Variants in MEIOB observed in about 807,000 individuals in gnomAD.
MEIOB encodes the protein meiosis specific with OB-fold, also known as meiosis-specific with OB domain-containing protein.
In MEIOB, 50 loss-of-function variants were observed where a neutral mutation model predicts 53.1. The observed-to-expected ratio is 0.94, with a 90% CI of 0.75 to 1.19. The LOEUF (loss-of-function observed/expected upper bound fraction) is 1.19. MEIOB is among the 50% of genes most tolerant of loss of function. MEIOB has a pLI of 0.00. For missense variants in MEIOB, 551 were observed against 550.8 expected, an observed-to-expected ratio of 1.00 and a Z score of 0.00; for synonymous variants, 192 against 182.5, an observed-to-expected ratio of 1.05 and a Z score of -0.42.
chr16:1,846,812 T>C (rs1409802548), intron 9 of MEIOB, among the ~76,000 whole-genome samples: 3 of 144,804 alleles, frequency 2.1e-5, no homozygotes, highest in African/African-American at 7.8e-5. Flanking sequence ...GAATGGGGGG[T>C]GAGGGGAGGG....
intron 13 of MEIOB, 84 bp downstream of exon 13, chr16:1,837,700 C>T (rs1898786776): frequency 7.1e-6 from 5 of 703,462 alleles, no homozygotes; most frequent in East Asian, 5.7e-5. Context: ...AATAAATTCT[C>T]GAATTTATCT....
intron 4 of MEIOB, among the ~76,000 whole-genome samples, chr16:1,861,722 A>G (rs1417197271): frequency 6.6e-6 from 1 of 151,748 alleles, no homozygotes; most frequent in African/African-American, 2.4e-5. Flanking sequence ...TTTTGTAGAA[A>G]TGGGGTCTTG....
At position 1,865,021 on chromosome 16, in the gene MEIOB, T is replaced by C. The variant is rs1480087330; in HGVS notation, c.127+757A>G. On this transcript the variant is annotated intron_variant, in intron 3 of 13. Transcript: ENST00000325962. Reference sequence around the variant, plus strand: ...ATTTACCTTAAAGATAAAAGCATCATGCCTGTAATCTGATCACTCTAGGAG... The same window carrying C: ...ATTTACCTTAAAGATAAAAGCATCACGCCTGTAATCTGATCACTCTAGGAG... 4.6e-5 allele frequency among the ~76,000 whole-genome samples: 7 copies of C among 152,298 alleles called. No individual in the cohort carries two copies. The East Asian group carries it at 1.4e-3, about 29-fold the overall frequency.
At chr16:1,844,042 A>G (rs1024613596) in intron 10 of MEIOB, among the ~76,000 whole-genome samples, 22 of 151,826 alleles carry the variant, frequency 1.4e-4, no homozygotes, top group African/African-American at 1.9e-4. Context: ...TTCTATTAGT[A>G]TATATGCACA....
At chr16:1,839,036 T>C (rs1215298624) in intron 12 of MEIOB, among the ~76,000 whole-genome samples, 3 of 152,200 alleles carry the variant, frequency 2.0e-5, no homozygotes, top group Non-Finnish European at 4.4e-5. Flanking sequence ...ATGGCCTCAG[T>C]CATTACTCAT....
chr16:1,863,206 T>C (rs1319663038), intron 3 of MEIOB, among the ~76,000 whole-genome samples: 1 of 151,946 alleles, frequency 6.6e-6, no homozygotes, highest in East Asian at 1.9e-4. Flanking sequence ...GAAGAATGAG[T>C]TCAGGGTGTT....
Position 1,834,290 on chromosome 16 carries a change from G to C in MEIOB, c.1382C>G (p.Ala461Gly), listed in dbSNP as rs1206999685. The change falls in exon 14 of 14, where the codon GCA becomes GGA. Residue 461 changes from alanine to glycine, a missense_variant. Ala to Gly is a moderately conservative substitution (Grantham distance 60). Coordinates refer to ENST00000325962, the MANE Select transcript of MEIOB (RefSeq NM_001163560.3). Reference sequence around the variant, plus strand: ...TTTTTGTCCAGACAAGTTTCTGCTTGCCTCAGTAGGATCTGCAAGCTTGCA... The same window carrying C: ...TTTTTGTCCAGACAAGTTTCTGCTTCCCTCAGTAGGATCTGCAAGCTTGCA... ...LSCKLADPTE[A>G]SRNLSGQKHV is the part of the protein sequence containing the mutation. The C allele has an allele frequency of 6.2e-7, 1 of 1,611,928 alleles. No homozygotes were observed. Among genetic ancestry groups the C allele is most frequent in the South Asian group, 1.1e-5 (1 of 90,876 alleles).
chr16:1,849,944 A>T (rs1899121299), intron 9 of MEIOB, among the ~76,000 whole-genome samples: 1 of 152,218 alleles, frequency 6.6e-6, no homozygotes, highest in Non-Finnish European at 1.5e-5. Flanking sequence ...TTTCAAAACA[A>T]CATAGTGTAT....
At position 1,865,802 on chromosome 16, in the gene MEIOB, C is replaced by T. The variant is rs1422642058; in HGVS notation, c.103G>A (p.Val35Ile). 1 of 1,548,766 alleles carries T rather than the reference C, an allele frequency of 6.5e-7. No individual in the cohort carries two copies. The change falls in exon 3 of 14, where the codon GTC (valine) becomes ATC (isoleucine). Residue 35 changes from valine (V) to isoleucine (I), a missense_variant. Physicochemically the swap from Val to Ile is conservative, Grantham distance 29. Coordinates refer to ENST00000325962, the MANE Select transcript of MEIOB (RefSeq NM_001163560.3). Reference sequence around the variant, plus strand: ...CTTTTTCTGTCTGGAAAGCCTTTGACATCTGTTTTCCCAATAACTATACCG... The same window carrying T: ...CTTTTTCTGTCTGGAAAGCCTTTGATATCTGTTTTCCCAATAACTATACCG... ...VIGIVIGKTD[V>I]KGFPDRKNIG...
At chr16:1,844,226 A>G (rs932626982) in intron 10 of MEIOB, among the ~76,000 whole-genome samples, 6 of 149,922 alleles carry the variant, frequency 4.0e-5, no homozygotes, top group Non-Finnish European at 7.4e-5. Flanking sequence ...GGGTTCAAGC[A>G]ATTCTCCTGC....
intron 13 of MEIOB, among the ~76,000 whole-genome samples, chr16:1,835,290 A>C (rs1239703578): frequency 6.6e-6 from 1 of 152,116 alleles, no homozygotes; most frequent in Non-Finnish European, 1.5e-5. Context: ...TAACATATGA[A>C]AAAGGGCTTA....
intron 3 of MEIOB, among the ~76,000 whole-genome samples, chr16:1,865,137 T>A (rs535611247): frequency 1.3e-5 from 2 of 152,132 alleles, no homozygotes; most frequent in East Asian, 1.9e-4. Flanking sequence ...TTGTTTTTTT[T>A]AAATCAACCA....
intron 2 of MEIOB, 52 bp downstream of exon 2, chr16:1,868,055 T>C: frequency 4.2e-6 from 4 of 957,620 alleles, no homozygotes; most frequent in Non-Finnish European, 6.4e-6. Context: ...TGATGTAATG[T>C]TATCACATAA....
At chr16:1,853,956 G>C in intron 7 of MEIOB, 144 bp downstream of exon 7, 2 of 637,492 alleles carry the variant, frequency 3.1e-6, no homozygotes, top group Non-Finnish European at 5.5e-6. Context: ...CAACATTCAA[G>C]AGTGAGATTT....
intron 5 of MEIOB, among the ~76,000 whole-genome samples, chr16:1,858,375 C>G (rs1022051693): frequency 6.6e-6 from 1 of 152,136 alleles, no homozygotes; most frequent in Non-Finnish European, 1.5e-5. Flanking sequence ...AACACTGGCA[C>G]AGTGAGCCCG....
chr16:1,866,661 C>T (rs1268449530), intron 2 of MEIOB, among the ~76,000 whole-genome samples: 3 of 151,920 alleles, frequency 2.0e-5, no homozygotes, highest in Admixed American at 2.0e-4. Context: ...GCACAGGTTG[C>T]AGTGAGCTTA....
At chr16:1,870,899 G>T (rs899821985) in intron 1 of MEIOB, among the ~76,000 whole-genome samples, 2 of 152,180 alleles carry the variant, frequency 1.3e-5, no homozygotes, top group South Asian at 2.1e-4. Context: ...GAGTCGAGAG[G>T]ATGAGTCAGA....
intron 1 of MEIOB, 64 bp from the exon 2 acceptor site, chr16:1,868,248 A>T (rs941985150): frequency 2.1e-6 from 2 of 941,164 alleles, no homozygotes; most frequent in South Asian, 3.2e-5. Context: ...CATTTAAAAA[A>T]TTCCAAGAGT....
intron 9 of MEIOB, among the ~76,000 whole-genome samples, chr16:1,846,725 T>G (rs1357415854): frequency 2.0e-5 from 3 of 151,884 alleles, no homozygotes; most frequent in Admixed American, 2.0e-4. Flanking sequence ...CCATATGTTC[T>G]CACTCATAAG....
Sources: allele counts gnomAD v4.1 joint callset (sites outside exome capture counted in the v4.1 genomes callset), GRCh38; gene constraint gnomAD v4.1.1; transcripts MANE v1.5; gene names NCBI Gene and HGNC (gene_info 2026-07-23, HGNC 2026-07-21).